SGCZ: variants seen among roughly 807,000 people sequenced by gnomAD.
SGCZ encodes the protein sarcoglycan zeta.
Under a neutral mutation model 41.3 loss-of-function variants are expected in SGCZ, and 40 were observed. That is an observed-to-expected ratio of 0.97 (90% CI 0.75 to 1.26). SGCZ has a LOEUF of 1.26. Ranked by LOEUF, SGCZ falls within the 50% of genes most tolerant of loss-of-function variation. SGCZ has a pLI of 0.00. For synonymous variants in SGCZ, 206 were observed against 137.5 expected (o/e 1.50, Z -3.49); for missense variants, 552 against 369.8 (o/e 1.49, Z -4.04).
intron 1 of SGCZ, among the ~76,000 whole-genome samples, chr8:14,757,221 G>C (rs1187496659): frequency 2.6e-5 from 4 of 152,076 alleles, no homozygotes; most frequent in Non-Finnish European, 5.9e-5. Flanking sequence ...GCTAATGTTT[G>C]TATTCTTAGT....
At chr8:14,090,697 A>C in intron 7 of SGCZ, 60 bp from the exon 8 acceptor site, 1 of 1,419,044 alleles carries the variant, frequency 7.0e-7, no homozygotes, top group Non-Finnish European at 9.6e-7. Context: ...CGAGTAATCT[A>C]CATCCCTCCT....
chr8:14,655,251 A>C (rs2117466762), intron 1 of SGCZ, among the ~76,000 whole-genome samples: 1 of 152,124 alleles, frequency 6.6e-6, no homozygotes, highest in South Asian at 2.1e-4. Flanking sequence ...TCTTTACCAA[A>C]TCTTGAATGC....
At chr8:14,974,457 A>G (rs1311309317) in intron 1 of SGCZ, among the ~76,000 whole-genome samples, 1 of 152,176 alleles carries the variant, frequency 6.6e-6, no homozygotes, top group Non-Finnish European at 1.5e-5. Context: ...GGAAAGAGAA[A>G]TCGCTAACCT....
intron 1 of SGCZ, among the ~76,000 whole-genome samples, chr8:14,776,463 G>T (rs1374580811): frequency 6.6e-6 from 1 of 151,320 alleles, no homozygotes; most frequent in South Asian, 2.1e-4. Flanking sequence ...ACCCAGTCTC[G>T]GATATGTCTT....
At chr8:14,250,319 T>A (rs973792373) in intron 3 of SGCZ, among the ~76,000 whole-genome samples, 2 of 152,158 alleles carry the variant, frequency 1.3e-5, no homozygotes, top group African/African-American at 4.8e-5. Context: ...ATCTATAAAT[T>A]AGAATGTTTG....
At chr8:14,254,574 A>T (rs934468846) in intron 3 of SGCZ, among the ~76,000 whole-genome samples, 1 of 152,224 alleles carries the variant, frequency 6.6e-6, no homozygotes, top group Non-Finnish European at 1.5e-5. Flanking sequence ...ATATTCCTCT[A>T]AATTGTTTCA....
At chr8:14,518,992 C>A (rs11988250) in intron 2 of SGCZ, among the ~76,000 whole-genome samples, 1 of 150,258 alleles carries the variant, frequency 6.7e-6, no homozygotes, top group Non-Finnish European at 1.5e-5. Flanking sequence ...TCGCTTGAAC[C>A]CAGGAGGCAT....
At chr8:14,243,777 C>A (rs1461334577) in intron 3 of SGCZ, among the ~76,000 whole-genome samples, 1 of 152,132 alleles carries the variant, frequency 6.6e-6, no homozygotes, top group African/African-American at 2.4e-5. Context: ...CTCTGTGAAG[C>A]CTTTCTACTC....
intron 1 of SGCZ, among the ~76,000 whole-genome samples, chr8:14,806,068 C>A (rs370023437): frequency 2.7e-4 from 41 of 151,092 alleles, no homozygotes; most frequent in African/African-American, 9.2e-4. Context: ...ATCTCTGGGA[C>A]GCATTCAAAG....
chr8:14,952,448 C>T (rs997870116), intron 1 of SGCZ, among the ~76,000 whole-genome samples: 2 of 152,066 alleles, frequency 1.3e-5, no homozygotes, highest in Admixed American at 1.3e-4. Flanking sequence ...ACTGGTAATG[C>T]TGCAGTATTT....
At chr8:15,173,483 A>T (rs895191044) in intron 1 of SGCZ, among the ~76,000 whole-genome samples, 15 of 152,204 alleles carry the variant, frequency 9.9e-5, no homozygotes, top group Non-Finnish European at 7.3e-5. Flanking sequence ...AATGTAGAGA[A>T]TTATTACATG....
chr8:15,022,367 CAG>C (rs895494027), intron 1 of SGCZ, among the ~76,000 whole-genome samples: 4 of 151,838 alleles, frequency 2.6e-5, no homozygotes, highest in East Asian at 1.9e-4. Flanking sequence ...TTTTTTGAGA[CAG>C]AGTCTTGCTC....
intron 1 of SGCZ, among the ~76,000 whole-genome samples, chr8:14,707,609 C>T (rs1809374011): frequency 6.6e-6 from 1 of 152,010 alleles, no homozygotes; most frequent in African/African-American, 2.4e-5. Flanking sequence ...AGAATGAGTA[C>T]AACAAAGATT....
At chr8:14,584,109 G>A (rs1030457344) in intron 1 of SGCZ, among the ~76,000 whole-genome samples, 2 of 152,106 alleles carry the variant, frequency 1.3e-5, no homozygotes, top group African/African-American at 4.8e-5. Flanking sequence ...ATAAATTGCA[G>A]ACTGAGGCAT....
intron 2 of SGCZ, among the ~76,000 whole-genome samples, chr8:14,474,893 G>A (rs749725482): frequency 9.2e-5 from 14 of 152,104 alleles, no homozygotes; most frequent in Non-Finnish European, 1.8e-4. Context: ...AGATAAATTT[G>A]AAAAGGTCAA....
chr8:14,187,032 G>C (rs980118425), intron 4 of SGCZ, among the ~76,000 whole-genome samples: 1 of 152,206 alleles, frequency 6.6e-6, no homozygotes, highest in Admixed American at 6.5e-5. Context: ...CTGATTATCA[G>C]CTGGGTCTGG....
chr8:14,681,611 A>G (rs1250878484), intron 1 of SGCZ, among the ~76,000 whole-genome samples: 2 of 152,188 alleles, frequency 1.3e-5, no homozygotes, highest in African/African-American at 4.8e-5. Flanking sequence ...TCATATATGT[A>G]ACAAAGTACA....
chr8:14,864,242 T>A (rs568015740), intron 1 of SGCZ, among the ~76,000 whole-genome samples: 1 of 151,660 alleles, frequency 6.6e-6, no homozygotes, highest in South Asian at 2.1e-4. Context: ...CTTACATGTT[T>A]CCTATTTTTT....
At chr8:14,485,795 C>A (rs1178236679) in intron 2 of SGCZ, among the ~76,000 whole-genome samples, 3 of 150,722 alleles carry the variant, frequency 2.0e-5, no homozygotes, top group Non-Finnish European at 4.4e-5. Flanking sequence ...GGCACAAGGA[C>A]ATACGCTGTT....
Sources: gnomAD v4.1 joint callset for allele counts (sites outside exome capture counted in the v4.1 genomes callset) on GRCh38, gnomAD v4.1.1 for gene constraint, MANE v1.5 for transcripts, NCBI Gene and HGNC (gene_info 2026-07-23, HGNC 2026-07-21) for gene names.